BMP5: variants seen among roughly 807,000 people sequenced by gnomAD.
BMP5 encodes bone morphogenetic protein 5.
In BMP5, 23 loss-of-function variants were observed where a neutral mutation model predicts 46.6. That is an observed-to-expected ratio of 0.49 (90% CI 0.35 to 0.70). The LOEUF is 0.70. Among genes scored for constraint, BMP5 ranks in the 30% least tolerant of loss-of-function variants. BMP5 has a pLI of 0.00. For synonymous variants in BMP5, 204 were observed against 191.9 expected (o/e 1.06, Z -0.52); for missense variants, 545 against 565.6 (o/e 0.96, Z 0.37).
At chr6:55,853,785 T>C (rs1415141514) in intron 1 of BMP5, among the ~76,000 whole-genome samples, 3 of 152,150 alleles carry the variant, frequency 2.0e-5, no homozygotes, top group Non-Finnish European at 2.9e-5. Flanking sequence ...CCGATACACA[T>C]GGGGTGAGTA....
At chr6:55,816,943 T>C (rs569327500) in intron 2 of BMP5, among the ~76,000 whole-genome samples, 38 of 152,046 alleles carry the variant, frequency 2.5e-4, no homozygotes, top group Admixed American at 5.2e-4. Flanking sequence ...GCGAAGGACA[T>C]GAACAGACAC....
chr6:55,771,735 C>A (rs915185288), intron 4 of BMP5, among the ~76,000 whole-genome samples: 2 of 151,796 alleles, frequency 1.3e-5, no homozygotes, highest in Non-Finnish European at 2.9e-5. Context: ...TGATAATATG[C>A]TTTGCAAAAA....
intron 6 of BMP5, among the ~76,000 whole-genome samples, chr6:55,757,312 A>T (rs1049874261): frequency 1.3e-5 from 2 of 151,990 alleles, no homozygotes; most frequent in African/African-American, 4.8e-5. Flanking sequence ...AAATGATGAT[A>T]AAAAGAGGCA....
intron 1 of BMP5, among the ~76,000 whole-genome samples, chr6:55,861,874 A>C (rs541006773): frequency 1.3e-5 from 2 of 152,244 alleles, no homozygotes; most frequent in Non-Finnish European, 2.9e-5. Flanking sequence ...GCAGCACAGC[A>C]TATCAGTGAA....
chr6:55,797,534 A>C (rs1309035806), intron 2 of BMP5, among the ~76,000 whole-genome samples: 2 of 152,006 alleles, frequency 1.3e-5, no homozygotes, highest in Non-Finnish European at 2.9e-5. Flanking sequence ...TAAAGCCTAC[A>C]TTGTAGCAAA....
At chr6:55,760,243 G>A (rs3798845) in intron 5 of BMP5, among the ~76,000 whole-genome samples, 64,677 of 151,552 alleles carry the variant, frequency 0.43, 13,923 homozygotes, top group Middle Eastern at 0.58. Context: ...CTCATTCAGC[G>A]TAGTTTTTTT....
chr6:55,856,463 C>T lies in BMP5; in HGVS notation c.490+17913G>A, dbSNP rs896617235. Among the ~76,000 whole-genome samples, 7 of 152,132 alleles carry T rather than the reference C, an allele frequency of 4.6e-5. No homozygotes were observed. In the South Asian group the frequency reaches 6.2e-4, roughly 14 times the overall value. On this transcript the variant is annotated intron_variant, in intron 1 of 6. Coordinates refer to ENST00000370830, the MANE Select transcript of BMP5 (RefSeq NM_021073.4). Reference sequence around the variant, plus strand: ...TCAAAAAATTGTAAGATATTTTCTACGTGGTTGTATTATTTTGCATACCTA... The same window carrying T: ...TCAAAAAATTGTAAGATATTTTCTATGTGGTTGTATTATTTTGCATACCTA...
At chr6:55,759,701 A>G (rs1774718229) in intron 5 of BMP5, among the ~76,000 whole-genome samples, 4 of 151,914 alleles carry the variant, frequency 2.6e-5, no homozygotes, top group Admixed American at 2.6e-4. Context: ...GCAAATTCCT[A>G]AAAACTGAAC....
intron 2 of BMP5, among the ~76,000 whole-genome samples, chr6:55,802,025 G>A (rs910178027): frequency 6.6e-6 from 1 of 152,152 alleles, no homozygotes; most frequent in Non-Finnish European, 1.5e-5. Context: ...ATCTAAATCA[G>A]TAACCAATAT....
intron 1 of BMP5, among the ~76,000 whole-genome samples, chr6:55,851,812 T>A (rs1465184265): frequency 6.6e-6 from 1 of 152,144 alleles, no homozygotes; most frequent in East Asian, 1.9e-4. Flanking sequence ...AAAATCTACA[T>A]TCCCTCTAGT....
chr6:55,848,213 A>C (rs1777145298), intron 1 of BMP5, among the ~76,000 whole-genome samples: 1 of 151,960 alleles, frequency 6.6e-6, no homozygotes, highest in African/African-American at 2.4e-5. Flanking sequence ...ACCCTAATGT[A>C]TGAATAAATA....
intron 1 of BMP5, among the ~76,000 whole-genome samples, chr6:55,836,945 A>G (rs937006696): frequency 3.9e-5 from 6 of 152,184 alleles, no homozygotes; most frequent in African/African-American, 1.4e-4. Context: ...ATTATAAGCA[A>G]ACTTCTTCAA....
chr6:55,799,443 C>A (rs1052184797), intron 2 of BMP5, among the ~76,000 whole-genome samples: 5 of 152,038 alleles, frequency 3.3e-5, no homozygotes, highest in Non-Finnish European at 7.4e-5. Context: ...GTAGAGAAAA[C>A]AAGGCACAAA....
At chr6:55,857,450 A>T (rs1777427334) in intron 1 of BMP5, among the ~76,000 whole-genome samples, 1 of 152,196 alleles carries the variant, frequency 6.6e-6, no homozygotes, top group Non-Finnish European at 1.5e-5. Context: ...CATATCCCTT[A>T]GAAGTAACTA....
At chr6:55,802,660 G>T (rs372546391) in intron 2 of BMP5, among the ~76,000 whole-genome samples, 1 of 151,870 alleles carries the variant, frequency 6.6e-6, no homozygotes, top group Admixed American at 6.6e-5. Context: ...CTGCAGAAAT[G>T]AGTATTGTAA....
At chr6:55,836,113 C>T (rs1776787913) in intron 1 of BMP5, among the ~76,000 whole-genome samples, 1 of 152,072 alleles carries the variant, frequency 6.6e-6, no homozygotes, top group African/African-American at 2.4e-5. Flanking sequence ...ATTAAGATAT[C>T]CAAAAGACTC....
intron 4 of BMP5, 76 bp downstream of exon 4, chr6:55,773,973 T>A: frequency 6.6e-7 from 1 of 1,508,270 alleles, no homozygotes; most frequent in Non-Finnish European, 9.2e-7. Context: ...GAGGGTAAAT[T>A]TATTGTGGCT....
At chr6:55,829,368 T>C (rs1776607588) in intron 1 of BMP5, among the ~76,000 whole-genome samples, 1 of 151,828 alleles carries the variant, frequency 6.6e-6, no homozygotes, top group Admixed American at 6.6e-5. Context: ...GATTTTTTTT[T>C]ATTGTTTCAT....
intron 5 of BMP5, 121 bp from the exon 6 acceptor site, chr6:55,759,236 A>T: frequency 1.6e-6 from 1 of 637,724 alleles, no homozygotes; most frequent in Non-Finnish European, 2.7e-6. Flanking sequence ...CTTAAAAGTT[A>T]TTGAAATATA....
Sources: allele counts gnomAD v4.1 joint callset (sites outside exome capture counted in the v4.1 genomes callset), GRCh38; gene constraint gnomAD v4.1.1; transcripts MANE v1.5; gene names NCBI Gene and HGNC (gene_info 2026-07-23, HGNC 2026-07-21).